Variants in CECR2 observed in about 807,000 individuals in gnomAD.
The protein encoded by CECR2 is CECR2 histone acetyl-lysine reader.
CECR2 carries 30 observed loss-of-function variants against 154.5 expected under a neutral mutation model. That is an observed-to-expected ratio of 0.19 (90% CI 0.15 to 0.26). The LOEUF (loss-of-function observed/expected upper bound fraction) is 0.26, where lower values mean the gene tolerates loss of function less well. Ranked by LOEUF, CECR2 falls within the 10% of genes least tolerant of loss-of-function variation. The pLI is 1.00. For synonymous variants in CECR2, 725 were observed against 683.7 expected, an observed-to-expected ratio of 1.06 and a Z score of -0.94; for missense variants, 1,743 against 1,829.3, an observed-to-expected ratio of 0.95 and a Z score of 0.86.
chr22:17,464,443 T>TGC (rs1832726953), intron 1 of CECR2, among the ~76,000 whole-genome samples: 1 of 124,832 alleles, frequency 8.0e-6, no homozygotes, highest in Admixed American at 8.1e-5. Flanking sequence ...CAGTTAATAT[T>TGC]GGCAGCTACC....
intron 1 of CECR2, among the ~76,000 whole-genome samples, chr22:17,438,443 G>A (rs2054537405): frequency 6.6e-6 from 1 of 152,104 alleles, no homozygotes; most frequent in South Asian, 2.1e-4. Context: ...CCGTGATTTG[G>A]TTCCTGTATA....
upstream of CECR2, among the ~76,000 whole-genome samples, chr22:17,365,342 C>T (rs765239737): frequency 2.0e-5 from 3 of 152,210 alleles, no homozygotes; most frequent in Non-Finnish European, 4.4e-5. Context: ...GCAGAGCACA[C>T]ATTTTTAAAT....
At position 17,491,087 on chromosome 22, in the gene CECR2, A is replaced by G. The variant is rs550963628; in HGVS notation, c.222-6316A>G. 5.7e-4 allele frequency among the ~76,000 whole-genome samples: 87 copies of G among 152,310 alleles called. 3 individuals carry two copies. In the South Asian group the frequency reaches 0.018, roughly 31 times the overall value. ...CATTTTTATGGTAAAATAATACTTC[A>G]TTGTGTGGATACACACTTAATCCTT... On this transcript the variant is annotated intron_variant, in intron 2 of 18. Coordinates refer to ENST00000262608, the MANE Select transcript of CECR2 (RefSeq NM_001290047.2).
intron 1 of CECR2, among the ~76,000 whole-genome samples, chr22:17,437,167 C>T (rs544519213): frequency 6.6e-6 from 1 of 152,228 alleles, no homozygotes; most frequent in South Asian, 2.1e-4. Context: ...GATGGTCTTG[C>T]CCCTGTCTGC....
chr22:17,495,803 A>G (rs980974275), intron 2 of CECR2, among the ~76,000 whole-genome samples: 6 of 142,904 alleles, frequency 4.2e-5, no homozygotes, highest in Non-Finnish European at 9.0e-5. Flanking sequence ...CGGAGCTTGC[A>G]GTGAGCCAAG....
chr22:17,404,878 A>C (rs1347061511), intron 1 of CECR2, among the ~76,000 whole-genome samples: 1 of 152,222 alleles, frequency 6.6e-6, no homozygotes, highest in African/African-American at 2.4e-5. Context: ...TCTACAAAAA[A>C]AGCCTGCTAG....
chr22:17,538,604 CTG>C, intron 11 of CECR2, 34 bp from the exon 12 acceptor site: 1 of 1,613,392 alleles, frequency 6.2e-7, no homozygotes, highest in Non-Finnish European at 8.5e-7. Flanking sequence ...AAGTTTTCCT[CTG>C]TGAGTGTGTT....
chr22:17,437,261 C>T (rs1192453882), intron 1 of CECR2, among the ~76,000 whole-genome samples: 1 of 152,136 alleles, frequency 6.6e-6, no homozygotes, highest in East Asian at 1.9e-4. Context: ...GTCTCCATCT[C>T]CTCATCCCCT....
chr22:17,376,649 T>G (rs1345502012), intron 1 of CECR2, among the ~76,000 whole-genome samples: 1 of 151,832 alleles, frequency 6.6e-6, no homozygotes, highest in African/African-American at 2.4e-5. Context: ...TTTTTGTTTT[T>G]TTTTTTTGAG....
Position 17,548,687 on chromosome 22 carries a change from C to T in CECR2, c.3400C>T (p.His1134Tyr), listed in dbSNP as rs765095064. The T allele has an allele frequency of 1.9e-6, 3 of 1,613,492 alleles. No individual in the cohort carries two copies. Among genetic ancestry groups the T allele is most frequent in the Non-Finnish European group, 2.5e-6 (3 of 1,179,700 alleles). Reference sequence around the variant, plus strand: ...GTACCCGAATTCAGCTGCCCATTACCACATCAGTCCAGGCCTGCAGGGTGT... The same window carrying T: ...GTACCCGAATTCAGCTGCCCATTACTACATCAGTCCAGGCCTGCAGGGTGT... ...LEYPNSAAHY[H>Y]ISPGLQGVGP... The change falls in exon 17 of 19, where the codon CAC (histidine) becomes TAC (tyrosine). Residue 1134 changes from histidine (H) to tyrosine (Y), a missense_variant. Coordinates refer to ENST00000262608, the MANE Select transcript of CECR2 (RefSeq NM_001290047.2).
intron 2 of CECR2, 100 bp from the exon 3 acceptor site, chr22:17,497,303 A>G (rs2146869860): frequency 1.6e-6 from 2 of 1,255,810 alleles, no homozygotes; most frequent in Non-Finnish European, 2.2e-6. Flanking sequence ...AAAAACAAAA[A>G]TCTGTTAGCT....
intron 1 of CECR2, among the ~76,000 whole-genome samples, chr22:17,414,250 G>T (rs575952717): frequency 1.3e-5 from 2 of 152,206 alleles, no homozygotes; most frequent in African/African-American, 2.4e-5. Context: ...GGGATTACAG[G>T]CGTGAGCCAC....
At chr22:17,421,612 C>T (rs1341660016) in intron 1 of CECR2, among the ~76,000 whole-genome samples, 6 of 23,498 alleles carry the variant, frequency 2.6e-4, no homozygotes, top group Non-Finnish European at 3.7e-4. Context: ...GAGACTCCGT[C>T]TCAAAAAAAA....
intron 13 of CECR2, 107 bp from the exon 14 acceptor site, chr22:17,540,305 G>A (rs2056502080): frequency 2.9e-6 from 3 of 1,043,266 alleles, no homozygotes; most frequent in Non-Finnish European, 3.9e-6. Context: ...TATTAGAATT[G>A]TCTTTTGTGA....
intron 8 of CECR2, among the ~76,000 whole-genome samples, chr22:17,519,945 C>T (rs2106946): frequency 0.082 from 12,415 of 152,080 alleles, 571 homozygotes; most frequent in South Asian, 0.15. Flanking sequence ...CACACACCAC[C>T]GTGCCCAGCT....
intron 1 of CECR2, among the ~76,000 whole-genome samples, chr22:17,423,658 G>A (rs2054290229): frequency 6.6e-6 from 1 of 152,086 alleles, no homozygotes; most frequent in South Asian, 2.1e-4. Flanking sequence ...TAGAAGAATT[G>A]CCCCCTATAC....
At chr22:17,545,953 G>A (rs1449693500) in intron 16 of CECR2, among the ~76,000 whole-genome samples, 1 of 151,934 alleles carries the variant, frequency 6.6e-6, no homozygotes, top group Non-Finnish European at 1.5e-5. Flanking sequence ...TTGGGAGTCT[G>A]AAGTGGAAGG....
intron 7 of CECR2, among the ~76,000 whole-genome samples, chr22:17,511,481 A>G (rs2055951431): frequency 6.6e-6 from 1 of 150,628 alleles, no homozygotes; most frequent in South Asian, 2.1e-4. Context: ...GCTGAAGGTG[A>G]TAAAGCATGG....
At position 17,549,322 on chromosome 22, in the gene CECR2, G is replaced by C; in HGVS notation, c.4035G>C (p.Thr1345=). The change falls in exon 17 of 19, where the codon ACG becomes ACC. Residue 1345 remains threonine, a synonymous_variant. Coordinates refer to ENST00000262608, the MANE Select transcript of CECR2 (RefSeq NM_001290047.2). ...AFPPHSVMLQ[T]GPPYTPQRPA... ...CACCCCACAGTGTGATGCTGCAGAC[G>C]GGGCCTCCCTATACCCCTCAGCGGC... 6.2e-7 allele frequency: 1 copy of C among 1,613,922 alleles called. No homozygotes were observed. Among genetic ancestry groups the C allele is most frequent in the Non-Finnish European group, 8.5e-7 (1 of 1,179,884 alleles).
Sources: gnomAD v4.1 joint callset for allele counts (sites outside exome capture counted in the v4.1 genomes callset) on GRCh38, gnomAD v4.1.1 for gene constraint, MANE v1.5 for transcripts, NCBI Gene and HGNC (gene_info 2026-07-23, HGNC 2026-07-21) for gene names.